The following CSMD2 variants were observed in gnomAD, a reference collection of about 807,000 sequenced individuals.
CSMD2 encodes CUB and Sushi multiple domains 2, also known as CUB and sushi domain-containing protein 2.
A neutral mutation model predicts 398.5 loss-of-function variants in CSMD2; 130 were observed. That is an observed-to-expected ratio of 0.33 (90% CI 0.28 to 0.38). CSMD2 has a LOEUF of 0.38. Ranked by LOEUF, CSMD2 falls within the 10% of genes least tolerant of loss-of-function variation. CSMD2 has a pLI of 1.00. For synonymous variants in CSMD2, 1,828 were observed against 1,908.5 expected (o/e 0.96, Z 1.10); for missense variants, 3,829 against 4,764.9 (o/e 0.80, Z 5.78).
At chr1:33,536,988 T>TG (rs1327617438) in intron 62 of CSMD2, 34 bp downstream of exon 62, 1 of 1,598,892 alleles carries the variant, frequency 6.3e-7, no homozygotes, top group South Asian at 1.1e-5. Flanking sequence ...AGGGATAGGA[T>TG]GTAGGAAGAC....
intron 11 of CSMD2, among the ~76,000 whole-genome samples, chr1:33,791,463 G>A (rs1366664063): frequency 6.6e-6 from 1 of 152,154 alleles, no homozygotes; most frequent in African/African-American, 2.4e-5. Flanking sequence ...TAAGCCACAT[G>A]TCCTGAGCAG....
chr1:33,675,502 G>C (rs1330626494), intron 25 of CSMD2, among the ~76,000 whole-genome samples: 1 of 152,182 alleles, frequency 6.6e-6, no homozygotes, highest in African/African-American at 2.4e-5. Context: ...GGACCAGATG[G>C]ATTCACAGCC....
intron 3 of CSMD2, among the ~76,000 whole-genome samples, chr1:33,959,633 T>G (rs1478291085): frequency 6.6e-6 from 1 of 152,120 alleles, no homozygotes; most frequent in African/African-American, 2.4e-5. Flanking sequence ...TGCCCTTGAC[T>G]CCTTCCATAG....
At chr1:33,670,924 T>C (rs1644475312) in intron 25 of CSMD2, among the ~76,000 whole-genome samples, 1 of 152,146 alleles carries the variant, frequency 6.6e-6, no homozygotes, top group Non-Finnish European at 1.5e-5. Flanking sequence ...AGTCTTGATA[T>C]CTTTATAAGA....
intron 1 of CSMD2, among the ~76,000 whole-genome samples, chr1:34,139,400 C>G (rs1489064496): frequency 6.6e-6 from 1 of 152,192 alleles, no homozygotes; most frequent in Admixed American, 6.5e-5. Context: ...GATGCAGCCC[C>G]TCGACCTTGG....
At chr1:33,795,606 T>A (rs1050427248) in intron 10 of CSMD2, among the ~76,000 whole-genome samples, 2 of 152,192 alleles carry the variant, frequency 1.3e-5, no homozygotes, top group African/African-American at 2.4e-5. Flanking sequence ...TTTCTTCTCA[T>A]CTGTGAGCCT....
At chr1:34,012,366 C>T (rs944577591) in intron 3 of CSMD2, among the ~76,000 whole-genome samples, 8 of 152,190 alleles carry the variant, frequency 5.3e-5, no homozygotes, top group Non-Finnish European at 8.8e-5. Context: ...ACCCCAGATC[C>T]GTCTTATCCT....
Position 33,636,362 on chromosome 1 carries a change from G to C in CSMD2, c.4967C>G (p.Thr1656Arg). The change falls in exon 30 of 71, where the codon ACA becomes AGA. Residue 1656 changes from threonine to arginine, a missense_variant and splice_region_variant. By Grantham distance (71) the Thr-to-Arg change is moderately conservative. This residue lies in a region of CSMD2 where 2,001 missense variants were observed against 2,567.1 expected (regional missense o/e 0.78). Transcript: ENST00000373381. This position sits in a 1 kb window ranked among gnomAD's most constrained non-coding sequence, Gnocchi z 4.8. ...TGCCATCCCCAGGCTTCCACCACCT[G>C]TGCAGACTGGCCGGGGATTGTTCCA... is the stretch of plus-strand genomic sequence containing the variant. The part of the protein sequence containing the change: ...PVWNNPRPVC[T>R]APCGGQYVGS... 1 of 1,602,628 alleles carries C rather than the reference G, an allele frequency of 6.2e-7. No homozygotes were observed. The highest frequency in any genetic ancestry group is 8.5e-7 in the Non-Finnish European group (1 of 1,174,404).
Position 34,042,439 on chromosome 1 carries a change from T to C in CSMD2, c.405-9733A>G, listed in dbSNP as rs147253149. Among the ~76,000 whole-genome samples the C allele has an allele frequency of 6.7e-3, 1,024 of 152,342 alleles. 13 individuals are homozygous for C. Among genetic ancestry groups the C allele is most frequent in the East Asian group, 0.048 (251 of 5,180 alleles). ...TTCAATAAAAGCCCAATTTGCTATA[T>C]TACCATTTATTCCTGGATAATTCTA... On this transcript the variant is annotated intron_variant, in intron 2 of 70. Transcript: ENST00000373381.
intron 6 of CSMD2, among the ~76,000 whole-genome samples, 157 bp downstream of exon 6, chr1:33,846,727 A>G (rs1192483461): frequency 1.3e-5 from 2 of 152,206 alleles, no homozygotes; most frequent in East Asian, 3.9e-4. Context: ...AGATGCAGAG[A>G]TGCAAATCTG....
intron 12 of CSMD2, among the ~76,000 whole-genome samples, chr1:33,784,344 C>T (rs180951652): frequency 1.2e-4 from 18 of 152,034 alleles, no homozygotes; most frequent in Admixed American, 6.5e-4. Context: ...ATCGGGGTGC[C>T]GGGGACTCAA....
At position 33,569,250 on chromosome 1, in the gene CSMD2, G is replaced by A; in HGVS notation, c.8131+124C>T. The A allele has an allele frequency of 1.1e-5, 12 of 1,044,288 alleles. 1 individual carries two copies. The highest frequency in any genetic ancestry group is 1.3e-5 in the Non-Finnish European group (10 of 750,798). 64.7% of individuals were successfully genotyped at this position (1,044,288 alleles called of 1,614,324 possible). ...GCCTGATGGCCAATAGTTGGTGTTT[G>A]GATTAAGCATTTTATGTCAATAGGT... is the stretch of plus-strand genomic sequence containing the variant. On this transcript the variant is annotated intron_variant, in intron 52 of 70. Coordinates refer to ENST00000373381, the MANE Select transcript of CSMD2 (RefSeq NM_001281956.2).
chr1:33,732,116 G>A (rs530912160), intron 15 of CSMD2, among the ~76,000 whole-genome samples: 19 of 152,162 alleles, frequency 1.2e-4, no homozygotes, highest in East Asian at 5.8e-4. Context: ...GTCTGTGTGC[G>A]TGCACATGCA....
chr1:34,031,621 G>A (rs754063659), intron 3 of CSMD2, among the ~76,000 whole-genome samples: 4 of 151,954 alleles, frequency 2.6e-5, no homozygotes, highest in Non-Finnish European at 5.9e-5. Flanking sequence ...CACCAGGGGT[G>A]GTTTTTTGCT....
At chr1:33,916,723 G>A (rs920062333) in intron 5 of CSMD2, among the ~76,000 whole-genome samples, 1 of 152,122 alleles carries the variant, frequency 6.6e-6, no homozygotes, top group Non-Finnish European at 1.5e-5. Context: ...CCAAATCTGA[G>A]CCTATACTTG....
rs1406579505 is a variant in CSMD2 at position 33,910,017 on chromosome 1, T to A, written c.920+8077A>T. Among the ~76,000 whole-genome samples the A allele has an allele frequency of 2.0e-5, 3 of 152,328 alleles. No homozygotes were observed. The East Asian group carries it at 5.8e-4, about 29-fold the overall frequency. On this transcript the variant is annotated intron_variant, in intron 5 of 70. Transcript: ENST00000373381. ...CCATAGTCATTCAGCCAGAACTTGA[T>A]AATCATCAGCCCCTCCTCCTCTCTA...
At chr1:33,820,318 G>A (rs1471014324) in intron 8 of CSMD2, 151 bp downstream of exon 8, 8 of 682,984 alleles carry the variant, frequency 1.2e-5, no homozygotes, top group Non-Finnish European at 1.8e-5. Context: ...AGGAGAGAAT[G>A]TCAAAGCCAT....
chr1:33,678,350 G>A (rs980745783), intron 25 of CSMD2, among the ~76,000 whole-genome samples: 5 of 150,098 alleles, frequency 3.3e-5, no homozygotes, highest in African/African-American at 1.2e-4. Flanking sequence ...ATGCAAAAAT[G>A]AGAAAATAAA....
chr1:33,519,904 A>C lies in CSMD2; in HGVS notation c.10644T>G (p.Phe3548Leu). The C allele has an allele frequency of 6.2e-7, 1 of 1,614,174 alleles. No homozygotes were observed. The highest frequency in any genetic ancestry group is 1.1e-5 in the South Asian group (1 of 91,078). Residue 3548 changes from phenylalanine to leucine, a missense_variant, in exon 69 of 71, where the codon TTT becomes TTG. Phe to Leu is a conservative substitution (Grantham distance 22). Transcript: ENST00000373381. The surrounding 1 kb of genome is among the most constrained non-coding windows in gnomAD (Gnocchi z 5.6). Reference protein sequence around the residue: ...ESDPESIGRHFASNSSSVAAA... With the variant: ...ESDPESIGRHLASNSSSVAAA... ...CTGCCACTGAGCTGCTGTTGGAAGC[A>C]AAGTGGCGGCCAATGGACTCGGGGT...
Sources: allele counts gnomAD v4.1 joint callset (sites outside exome capture counted in the v4.1 genomes callset), GRCh38; gene constraint gnomAD v4.1.1; regional missense constraint gnomAD v4.1.1; non-coding constraint Gnocchi (gnomAD v3.1); transcripts MANE v1.5; gene names NCBI Gene and HGNC (gene_info 2026-07-23, HGNC 2026-07-21).